The following GJC1 variants were observed in gnomAD, a reference collection of about 807,000 sequenced individuals.
GJC1 encodes gap junction protein gamma 1.
GJC1 carries 5 observed loss-of-function variants against 29.3 expected under a neutral mutation model. The observed-to-expected ratio is 0.17, with a 90% CI of 0.09 to 0.36. The LOEUF is 0.36. Among genes scored for constraint, GJC1 ranks in the 10% least tolerant of loss-of-function variants. The pLI is 1.00. For missense variants in GJC1, 310 were observed against 496.2 expected (o/e 0.62, Z 3.56); for synonymous variants, 177 against 183.3 (o/e 0.97, Z 0.28).
Position 44,805,478 on chromosome 17 carries a change from T to C in GJC1, c.340A>G (p.Ser114Gly). 2 of 1,614,184 alleles carry C rather than the reference T, an allele frequency of 1.2e-6. No individual in the cohort carries two copies. Among genetic ancestry groups the C allele is most frequent in the Non-Finnish European group, 1.7e-6 (2 of 1,180,046 alleles). The change falls in exon 3 of 3, where the codon AGC (serine) becomes GGC (glycine). Residue 114 changes from serine to glycine, a missense_variant. Coordinates refer to ENST00000592524, the MANE Select transcript of GJC1 (RefSeq NM_005497.4). The surrounding 1 kb of genome is among the most constrained non-coding windows in gnomAD (Gnocchi z 5.1). ...HGEADKKAAR[S>G]KPYAMRWKQH... The stretch of plus-strand genomic sequence containing the variant: ...TTCCAGCGCATTGCATAGGGCTTGC[T>C]CCGAGCTGCCTTCTTGTCTGCTTCA...
At chr17:44,814,897 G>A (rs1436188231) in intron 1 of GJC1, among the ~76,000 whole-genome samples, 2 of 151,670 alleles carry the variant, frequency 1.3e-5, no homozygotes, top group African/African-American at 4.8e-5. Context: ...AGACGAGAAG[G>A]CACCACTTCA....
intron 1 of GJC1, among the ~76,000 whole-genome samples, chr17:44,823,761 G>A (rs1303353582): frequency 6.7e-6 from 1 of 150,194 alleles, no homozygotes; most frequent in Non-Finnish European, 1.5e-5. Context: ...GCCTAGCCTG[G>A]AGTGCAGTGG....
At chr17:44,823,955 C>T (rs932977967) in intron 1 of GJC1, among the ~76,000 whole-genome samples, 4 of 151,906 alleles carry the variant, frequency 2.6e-5, no homozygotes, top group Non-Finnish European at 4.4e-5. Flanking sequence ...TCATGACCTG[C>T]CCACCTCGGC....
intron 1 of GJC1, among the ~76,000 whole-genome samples, chr17:44,814,297 C>T (rs892940762): frequency 2.0e-5 from 3 of 151,912 alleles, no homozygotes; most frequent in African/African-American, 4.8e-5. Context: ...CCCGCCACCA[C>T]GCCCGGCTAA....
rs1043572415 is a variant in GJC1, at chr17:44,830,237, GCCGCCGCCGCCGCCGCCTCCCGCTC to G, written c.-297_-273del. Reference sequence around the variant, plus strand: ...CGAGGCAGAAGCCGCTCCCGCCGCTGCCGCCGCCGCCGCCGCCTCCCGCTCCCGCCGCCGCGACCCGCGGGAAGGC... The same window carrying G: ...CGAGGCAGAAGCCGCTCCCGCCGCTGCCGCCGCCGCGACCCGCGGGAAGGC... On this transcript the variant is annotated 5_prime_UTR_variant, in exon 1 of 3. Coordinates refer to ENST00000592524, the MANE Select transcript of GJC1 (RefSeq NM_005497.4). This position sits in a 1 kb window ranked among gnomAD's most constrained non-coding sequence, Gnocchi z 4.3. 4 of 158,892 alleles carry G rather than the reference GCCGCCGCCGCCGCCGCCTCCCGCTC, an allele frequency of 2.5e-5. No homozygotes were observed. Among genetic ancestry groups the G allele is most frequent in the East Asian group, 1.8e-4 (1 of 5,460 alleles). The allele number at this position is 158,892 out of a possible 1,614,324, so 9.8% of individuals were successfully genotyped here. A position where few individuals can be genotyped will look rare whatever the true frequency, so the allele number is the denominator to read the frequency against.
chr17:44,826,881 G>A (rs923561713), intron 1 of GJC1, among the ~76,000 whole-genome samples: 1 of 152,178 alleles, frequency 6.6e-6, no homozygotes, highest in Non-Finnish European at 1.5e-5. Context: ...AGCTGTAGCA[G>A]TATGTTGAAA....
intron 1 of GJC1, among the ~76,000 whole-genome samples, chr17:44,828,315 G>A (rs532216645): frequency 1.3e-5 from 2 of 152,284 alleles, no homozygotes; most frequent in South Asian, 4.1e-4. Context: ...CTTTTTAAGA[G>A]AACTGTGGTA....
chr17:44,803,700 T>C lies in GJC1; in HGVS notation c.*927A>G, dbSNP rs2049879383. 1 of 152,182 alleles carries C rather than the reference T, an allele frequency of 6.6e-6. No individual in the cohort carries two copies. The highest frequency in any genetic ancestry group is 2.4e-5 in the African/African-American group (1 of 41,440). The allele number at this position is 152,182 out of a possible 1,614,324, so 9.4% of individuals were successfully genotyped here. On this transcript the variant is annotated 3_prime_UTR_variant, in exon 3 of 3. Coordinates refer to ENST00000592524, the MANE Select transcript of GJC1 (RefSeq NM_005497.4). ...AGACGGAAGCGGGCAGGTTTCTGGA[T>C]AGAGGCTTAAGGCAAATCAAACAGG...
At chr17:44,823,276 G>T (rs1280780206) in intron 1 of GJC1, among the ~76,000 whole-genome samples, 1 of 136,534 alleles carries the variant, frequency 7.3e-6, no homozygotes, top group Non-Finnish European at 1.5e-5. Flanking sequence ...TTTTTAAGAC[G>T]GAGTGTTGCT....
intron 1 of GJC1, among the ~76,000 whole-genome samples, chr17:44,819,753 G>A (rs1446318132): frequency 6.6e-6 from 1 of 152,152 alleles, no homozygotes; most frequent in African/African-American, 2.4e-5. Context: ...TCCATAGTAT[G>A]TACATACCAC....
intron 1 of GJC1, among the ~76,000 whole-genome samples, chr17:44,823,618 G>C (rs4793158): frequency 0.14 from 21,181 of 151,718 alleles, 1,575 homozygotes; most frequent in African/African-American, 0.19. Flanking sequence ...GCCCAGGTTG[G>C]TCTTGAACTC....
At chr17:44,809,917 G>A (rs1485262921) in intron 1 of GJC1, among the ~76,000 whole-genome samples, 4 of 149,092 alleles carry the variant, frequency 2.7e-5, no homozygotes, top group African/African-American at 9.9e-5. Flanking sequence ...GGAGTGCAGT[G>A]GCATGATCTC....
rs1386898901 is a variant in GJC1, at chr17:44,800,372, T to C, written c.*4255A>G. On this transcript the variant is annotated 3_prime_UTR_variant, in exon 3 of 3. Coordinates refer to ENST00000592524, the MANE Select transcript of GJC1 (RefSeq NM_005497.4). ...ATTCGCCCACCTTGGCCTCCCAAAG[T>C]GCTGGGATTACAGGCGTGAGCCACC... 1 of 152,176 alleles carries C rather than the reference T, an allele frequency of 6.6e-6. No homozygotes were observed. The highest frequency in any genetic ancestry group is 1.5e-5 in the Non-Finnish European group (1 of 68,046). The allele number at this position is 152,176 out of a possible 1,614,324, so 9.4% of individuals were successfully genotyped here. A position where few individuals can be genotyped will look rare whatever the true frequency, so the allele number is the denominator to read the frequency against.
At chr17:44,830,901 C>G, upstream of GJC1, 1 of 389,096 alleles carries the variant, frequency 2.6e-6, no homozygotes, top group Non-Finnish European at 4.5e-6. This position sits in a 1 kb window ranked among gnomAD's most constrained non-coding sequence, Gnocchi z 4.3. Flanking sequence ...CCAGCAGGAT[C>G]CCATTCAGAG....
chr17:44,814,928 C>A (rs2050025616), intron 1 of GJC1, among the ~76,000 whole-genome samples: 3 of 150,262 alleles, frequency 2.0e-5, no homozygotes, highest in Admixed American at 2.0e-4. Context: ...GGTGAAAGAG[C>A]AAGACTCAGT....
chr17:44,821,730 A>AAAAAAAAC (rs1567714313), intron 1 of GJC1, among the ~76,000 whole-genome samples: 16 of 141,488 alleles, frequency 1.1e-4, no homozygotes, highest in Non-Finnish European at 1.1e-4. Flanking sequence ...AAAAAACAAC[A>AAAAAAAAC]AAAAAACACC....
At chr17:44,808,486 C>T (rs1160075180) in intron 1 of GJC1, among the ~76,000 whole-genome samples, 1 of 151,992 alleles carries the variant, frequency 6.6e-6, no homozygotes, top group African/African-American at 2.4e-5. Context: ...GGCTCTGGCT[C>T]ACGCCTGTAA....
Position 44,799,240 on chromosome 17 carries a change from C to CAG in GJC1, c.*5386_*5387insCT, listed in dbSNP as rs1186655078. 1 of 152,210 alleles carries CAG rather than the reference C, an allele frequency of 6.6e-6. No homozygotes were observed. The highest frequency in any genetic ancestry group is 2.4e-5 in the African/African-American group (1 of 41,406). 9.4% of individuals were successfully genotyped at this position (152,210 alleles called of 1,614,324 possible). On this transcript the variant is annotated 3_prime_UTR_variant, in exon 3 of 3. Coordinates refer to ENST00000592524, the MANE Select transcript of GJC1 (RefSeq NM_005497.4). Reference sequence around the variant, plus strand: ...CCTCTTTTTTGGCGACAGTCTTACTCTGTCACCCAGGCTGGAGTGCAGTGG... The same window carrying CAG: ...CCTCTTTTTTGGCGACAGTCTTACTCAGTGTCACCCAGGCTGGAGTGCAGTGG...
chr17:44,823,991 C>T (rs191177951), intron 1 of GJC1, among the ~76,000 whole-genome samples: 7 of 149,846 alleles, frequency 4.7e-5, no homozygotes, highest in East Asian at 2.0e-4. Context: ...GATTACAAGG[C>T]GTGAGTCACT....
Sources: allele counts gnomAD v4.1 joint callset (sites outside exome capture counted in the v4.1 genomes callset), GRCh38; gene constraint gnomAD v4.1.1; non-coding constraint Gnocchi (gnomAD v3.1); transcripts MANE v1.5; gene names NCBI Gene and HGNC (gene_info 2026-07-23, HGNC 2026-07-21).